Variants in RELN observed in about 807,000 individuals in gnomAD.
RELN encodes the protein reelin.
A neutral mutation model predicts 427.6 loss-of-function variants in RELN; 108 were observed. The ratio of observed to expected loss-of-function variants is 0.25; its 90% CI spans 0.22 to 0.30. RELN has a LOEUF of 0.30. Ranked by LOEUF, RELN falls within the 10% of genes least tolerant of loss-of-function variation. The pLI, the probability that RELN is intolerant of heterozygous loss-of-function variation, is 1.00. For missense variants in RELN, 3,715 were observed against 4,302.8 expected (o/e 0.86, Z 3.82); for synonymous variants, 1,524 against 1,513.4 (o/e 1.01, Z -0.16).
intron 43 of RELN, among the ~76,000 whole-genome samples, chr7:103,542,056 C>T (rs943681257): frequency 6.6e-6 from 1 of 152,172 alleles, no homozygotes; most frequent in African/African-American, 2.4e-5. Flanking sequence ...ACATGTTAAA[C>T]CATCTTTTTT....
At chr7:103,686,066 G>T (rs1833758828) in intron 10 of RELN, among the ~76,000 whole-genome samples, 1 of 152,020 alleles carries the variant, frequency 6.6e-6, no homozygotes. Context: ...ATCTCCCTGG[G>T]GTCTAATGAC....
intron 2 of RELN, among the ~76,000 whole-genome samples, chr7:103,907,389 G>C (rs1057244386): frequency 9.3e-6 from 1 of 107,842 alleles, no homozygotes; most frequent in Non-Finnish European, 1.7e-5. Flanking sequence ...CTGCACTCCA[G>C]CCTGGGCAAC....
At chr7:103,651,300 A>T (rs909866776) in intron 15 of RELN, among the ~76,000 whole-genome samples, 3 of 152,086 alleles carry the variant, frequency 2.0e-5, no homozygotes, top group African/African-American at 7.2e-5. Context: ...AAATATGATT[A>T]CACAGAATGG....
chr7:103,958,229 T>C (rs551938841), intron 1 of RELN, among the ~76,000 whole-genome samples: 1 of 152,144 alleles, frequency 6.6e-6, no homozygotes, highest in South Asian at 2.1e-4. Context: ...ACATATGGAG[T>C]GCATTCATTC....
chr7:103,934,498 T>C (rs376328524), intron 1 of RELN, among the ~76,000 whole-genome samples: 1 of 152,148 alleles, frequency 6.6e-6, no homozygotes, highest in African/African-American at 2.4e-5. Flanking sequence ...CTTCCAAATT[T>C]AGCTTCCAAA....
chr7:103,715,028 C>A (rs1789903136), intron 8 of RELN, among the ~76,000 whole-genome samples: 1 of 152,070 alleles, frequency 6.6e-6, no homozygotes, highest in African/African-American at 2.4e-5. Flanking sequence ...TTTTGGTCAG[C>A]CCAAATTATC....
rs1562895443 is a variant in RELN at position 103,566,593 on chromosome 7, T to C, written c.4747+8A>G. ...GCTACCAGAAAGCTGGAGTGAGCAG[T>C]AACTTACCATGTTGCGGTTGCCACC... On this transcript the variant is annotated splice_region_variant and intron_variant, in intron 32 of 64. Transcript: ENST00000428762. 4.3e-6 allele frequency: 7 copies of C among 1,614,054 alleles called. No homozygotes were observed. The highest frequency in any genetic ancestry group is 5.1e-6 in the Non-Finnish European group (6 of 1,179,984).
intron 20 of RELN, among the ~76,000 whole-genome samples, chr7:103,617,681 T>C (rs1373810867): frequency 6.6e-6 from 1 of 151,906 alleles, no homozygotes; most frequent in Non-Finnish European, 1.5e-5. Context: ...GTACAATCTT[T>C]ATCTACTAAA....
rs866735889 is a variant in RELN, at chr7:103,909,663, A to T, written c.337+7412T>A. The stretch of plus-strand genomic sequence containing the variant: ...ATAAATATATATATTTAATATATAT[A>T]AATATATATTAAATATATTTAATAA... On this transcript the variant is annotated intron_variant, in intron 2 of 64. Transcript: ENST00000428762. Among the ~76,000 whole-genome samples the T allele has an allele frequency of 2.4e-3, 201 of 85,368 alleles. 6 individuals carry two copies. The highest frequency in any genetic ancestry group is 8.8e-3 in the African/African-American group (168 of 19,110). The allele number at this position is 85,368 out of a possible 152,430, so 56.0% of individuals were successfully genotyped here.
intron 2 of RELN, among the ~76,000 whole-genome samples, chr7:103,876,072 T>G (rs569338971): frequency 1.3e-5 from 2 of 152,156 alleles, no homozygotes; most frequent in African/African-American, 4.8e-5. Flanking sequence ...TGGAAATTTC[T>G]TTGTTTGATT....
chr7:103,680,785 A>G (rs763879436), intron 11 of RELN, among the ~76,000 whole-genome samples: 27 of 151,976 alleles, frequency 1.8e-4, no homozygotes, highest in Non-Finnish European at 4.4e-5. Context: ...GAGACATTGG[A>G]GCTGTACTGC....
At chr7:103,661,277 A>G in intron 12 of RELN, 99 bp downstream of exon 12, 1 of 1,326,798 alleles carries the variant, frequency 7.5e-7, no homozygotes. Flanking sequence ...ATGAATTTTC[A>G]TTTTACGTAG....
intron 4 of RELN, among the ~76,000 whole-genome samples, chr7:103,769,874 C>G (rs1791520678): frequency 6.6e-6 from 1 of 152,140 alleles, no homozygotes. Flanking sequence ...GCCAAGCACC[C>G]TCTTTCCTGG....
chr7:103,843,504 T>C (rs1793604110), intron 2 of RELN, among the ~76,000 whole-genome samples: 1 of 152,114 alleles, frequency 6.6e-6, no homozygotes, highest in East Asian at 1.9e-4. Context: ...TGGGAAGACA[T>C]GTGTCCTGAT....
chr7:103,536,260 G>T (rs930989793), intron 45 of RELN, among the ~76,000 whole-genome samples: 1 of 152,182 alleles, frequency 6.6e-6, no homozygotes, highest in African/African-American at 2.4e-5. Flanking sequence ...TCTAAAGAAA[G>T]ATATTTATTT....
intron 1 of RELN, among the ~76,000 whole-genome samples, chr7:103,974,557 A>T (rs12532886): frequency 6.6e-6 from 1 of 152,204 alleles, no homozygotes; most frequent in South Asian, 2.1e-4. Flanking sequence ...GTTAATTTCC[A>T]TAAGTTTGGA....
chr7:103,483,648 C>T lies in RELN; in HGVS notation c.10181+5G>A. 1.2e-6 allele frequency: 2 copies of T among 1,614,124 alleles called. No individual in the cohort carries two copies. The highest frequency in any genetic ancestry group is 1.7e-6 in the Non-Finnish European group (2 of 1,179,992). On this transcript the variant is annotated splice_donor_5th_base_variant and intron_variant, in intron 62 of 64. Coordinates refer to ENST00000428762, the MANE Select transcript of RELN (RefSeq NM_005045.4). ...AGACCATGCCTTTCCATTTGGGCCA[C>T]TTACAGGGGGACATTGTAAGACACT...
chr7:103,497,785 T>C (rs1382273080), intron 55 of RELN, 35 bp downstream of exon 55: 1 of 1,563,872 alleles, frequency 6.4e-7, no homozygotes, highest in Non-Finnish European at 8.8e-7. Context: ...TTTGGGAATC[T>C]GCTCCAAGGG....
At chr7:103,686,408 C>T (rs1833765262) in intron 10 of RELN, among the ~76,000 whole-genome samples, 4 of 152,154 alleles carry the variant, frequency 2.6e-5, no homozygotes, top group African/African-American at 9.7e-5. Context: ...GCTTCCACCA[C>T]AGCCAATTTT....
Sources: gnomAD v4.1 joint callset for allele counts (sites outside exome capture counted in the v4.1 genomes callset) on GRCh38, gnomAD v4.1.1 for gene constraint, MANE v1.5 for transcripts, NCBI Gene and HGNC (gene_info 2026-07-23, HGNC 2026-07-21) for gene names.